IL1R1: variants seen among roughly 807,000 people sequenced by gnomAD.
The protein encoded by IL1R1 is interleukin 1 receptor type 1.
IL1R1 carries 22 observed loss-of-function variants against 50.2 expected under a neutral mutation model. The observed-to-expected ratio is 0.44, with a 90% CI of 0.31 to 0.63. IL1R1 has a LOEUF of 0.63. Among genes scored for constraint, IL1R1 ranks in the 20% least tolerant of loss-of-function variants. IL1R1 has a pLI of 0.07. For missense variants in IL1R1, 509 were observed against 676.2 expected (o/e 0.75, Z 2.74); for synonymous variants, 251 against 236.7 (o/e 1.06, Z -0.55).
At chr2:102,078,759 C>T (rs970043923) in intron 1 of IL1R1, among the ~76,000 whole-genome samples, 5 of 152,100 alleles carry the variant, frequency 3.3e-5, no homozygotes, top group African/African-American at 1.2e-4. Context: ...AGTATTACCC[C>T]GGTACCAACA....
intron 1 of IL1R1, among the ~76,000 whole-genome samples, chr2:102,127,787 A>G (rs1280747518): frequency 1.3e-5 from 2 of 152,082 alleles, no homozygotes. Context: ...TTAGTAGTGT[A>G]GGAGGAATGA....
chr2:102,121,384 C>A (rs1053759916), intron 1 of IL1R1, among the ~76,000 whole-genome samples: 2 of 152,236 alleles, frequency 1.3e-5, no homozygotes, highest in African/African-American at 4.8e-5. Flanking sequence ...AGCTGTGGAG[C>A]CACGTGTCAC....
chr2:102,103,349 A>G (rs1470595599), upstream of IL1R1, among the ~76,000 whole-genome samples: 1 of 151,934 alleles, frequency 6.6e-6, no homozygotes, highest in Non-Finnish European at 1.5e-5. Context: ...AAGGGGAAGG[A>G]GCAAAGAGGA....
At chr2:102,083,424 T>C (rs1679303075) in intron 1 of IL1R1, among the ~76,000 whole-genome samples, 1 of 152,106 alleles carries the variant, frequency 6.6e-6, no homozygotes, top group South Asian at 2.1e-4. Flanking sequence ...GTAATATTGT[T>C]CCCTTGTGTG....
intron 2 of IL1R1, 123 bp from the exon 3 acceptor site, chr2:102,157,596 T>C (rs185898472): frequency 1.5e-6 from 1 of 684,346 alleles, no homozygotes; most frequent in East Asian, 2.7e-5. Context: ...AAAAACCAGT[T>C]CATCAGTGTG....
At chr2:102,124,813 A>G (rs12619281) in intron 1 of IL1R1, among the ~76,000 whole-genome samples, 27,989 of 150,600 alleles carry the variant, frequency 0.19, 2,712 homozygotes, top group South Asian at 0.21. Flanking sequence ...CTACTCGGGA[A>G]GCTGAGGCAG....
intron 1 of IL1R1, among the ~76,000 whole-genome samples, chr2:102,078,600 A>ACACACACACG (rs57113618): frequency 2.7e-5 from 4 of 146,498 alleles, no homozygotes; most frequent in South Asian, 2.2e-4. Flanking sequence ...ACACACACAC[A>ACACACACACG]AGAAAAAAAA....
chr2:102,165,602 A>G (rs1685116656), intron 5 of IL1R1, among the ~76,000 whole-genome samples: 1 of 152,220 alleles, frequency 6.6e-6, no homozygotes, highest in African/African-American at 2.4e-5. Context: ...AGATGTAACT[A>G]TTTATTACAA....
upstream of IL1R1, among the ~76,000 whole-genome samples, chr2:102,103,214 T>C (rs368326300): frequency 1.6e-4 from 25 of 152,290 alleles, no homozygotes; most frequent in East Asian, 3.7e-3. Flanking sequence ...CTGGCACCTG[T>C]AAGTGCTCAC....
intron 11 of IL1R1, 74 bp downstream of exon 11, chr2:102,175,719 T>A (rs774856383): frequency 1.4e-6 from 2 of 1,406,246 alleles, no homozygotes; most frequent in Admixed American, 3.3e-5. Flanking sequence ...TCCATCTTTC[T>A]AGAAGATCGT....
chr2:102,164,057 G>C (rs1250553938), intron 3 of IL1R1, among the ~76,000 whole-genome samples: 1 of 152,106 alleles, frequency 6.6e-6, no homozygotes, highest in African/African-American at 2.4e-5. Context: ...CATTGGGTGT[G>C]CTCCATGTGT....
In IL1R1 at chr2:102,176,250, A is replaced by G. The variant is rs112481477; in HGVS notation, c.1304-103A>G. ...ATTTTAAGTAAGACAAGAAAAAGGC[A>G]TTAGGAGCCATACGGTTGTGAAAAG... On this transcript the variant is annotated intron_variant, in intron 11 of 11. Transcript: ENST00000410023. The G allele has an allele frequency of 4.7e-5, 42 of 893,642 alleles. 1 individual carries two copies. In the African/African-American group the frequency reaches 5.2e-4, roughly 11 times the overall value. 55.4% of individuals were successfully genotyped at this position (893,642 alleles called of 1,614,324 possible).
intron 1 of IL1R1, among the ~76,000 whole-genome samples, chr2:102,123,071 A>G (rs1162125494): frequency 6.6e-6 from 1 of 152,266 alleles, no homozygotes; most frequent in Non-Finnish European, 1.5e-5. Flanking sequence ...CTGAGTAAAC[A>G]TCAACTGAAA....
At chr2:102,087,333 G>T (rs1159465014) in intron 1 of IL1R1, among the ~76,000 whole-genome samples, 1 of 152,138 alleles carries the variant, frequency 6.6e-6, no homozygotes, top group Non-Finnish European at 1.5e-5. Flanking sequence ...ATGCCACAGC[G>T]ATCAACTCTT....
chr2:102,084,237 T>G (rs775541746), intron 1 of IL1R1, among the ~76,000 whole-genome samples: 2 of 152,216 alleles, frequency 1.3e-5, no homozygotes, highest in Non-Finnish European at 2.9e-5. Flanking sequence ...TTGACATCTT[T>G]TGTGCGTTTC....
chr2:102,144,657 A>G (rs909082244), intron 1 of IL1R1, among the ~76,000 whole-genome samples: 3 of 152,318 alleles, frequency 2.0e-5, no homozygotes, highest in Admixed American at 6.5e-5. Context: ...CCTTATGGAC[A>G]TGAGTCTTCT....
chr2:102,093,072 T>A lies in IL1R1; in HGVS notation c.-84+22539T>A, dbSNP rs73943972. Among the ~76,000 whole-genome samples, 1,163 of 152,274 alleles carry A rather than the reference T, an allele frequency of 7.6e-3. 15 individuals are homozygous for A. Among genetic ancestry groups the A allele is most frequent in the African/African-American group, 0.027 (1,116 of 41,540 alleles). On this transcript the variant is annotated intron_variant, in intron 1 of 11. Transcript: ENST00000409929. The stretch of plus-strand genomic sequence containing the variant: ...ATTAACTTGTTTCCACTTTTGTTCA[T>A]TAAGAATTGATAAGAAAATAATAGT...
chr2:102,103,612 A>T (rs894751643), upstream of IL1R1, among the ~76,000 whole-genome samples: 10 of 152,128 alleles, frequency 6.6e-5, no homozygotes, highest in African/African-American at 2.4e-4. Context: ...TACGATGCAG[A>T]TTTTTGAGTA....
chr2:102,167,068 T>C (rs1018538273), intron 6 of IL1R1, among the ~76,000 whole-genome samples: 2 of 152,182 alleles, frequency 1.3e-5, no homozygotes, highest in Non-Finnish European at 2.9e-5. Context: ...ATAAGAGTTA[T>C]TCCAATCAGA....
Sources: allele counts gnomAD v4.1 joint callset (sites outside exome capture counted in the v4.1 genomes callset), GRCh38; gene constraint gnomAD v4.1.1; transcripts MANE v1.5; gene names NCBI Gene and HGNC (gene_info 2026-07-23, HGNC 2026-07-21).